The following SGCD variants were observed in gnomAD, a reference collection of about 807,000 sequenced individuals.
SGCD encodes the protein delta-sarcoglycan.
A neutral mutation model predicts 36.6 loss-of-function variants in SGCD; 18 were observed. That is an observed-to-expected ratio of 0.49 (90% confidence interval 0.34 to 0.73). SGCD has a LOEUF of 0.73. Among genes scored for constraint, SGCD ranks in the 30% least tolerant of loss-of-function variants. The pLI is 0.01. For missense variants in SGCD, 387 were observed against 346.7 expected (o/e 1.12, Z -0.92); for synonymous variants, 133 against 130.6 (o/e 1.02, Z -0.12).
At position 156,015,797 on chromosome 5, in the gene SGCD, AAC is replaced by A. The variant is rs111862726; in HGVS notation, c.-281-102061_-281-102060del. ...CCAATGCAGTCCCAATGAACACACAAACACACACACACACACACACAGTGCAC... is the reference window on the plus strand; with the variant it reads ...CCAATGCAGTCCCAATGAACACACAAACACACACACACACACACAGTGCAC... On this transcript the variant is annotated intron_variant, in intron 1 of 9. Transcript: ENST00000517913. Among the ~76,000 whole-genome samples the A allele has an allele frequency of 5.8e-3, 856 of 147,248 alleles. 1 individual carries two copies. The highest frequency in any genetic ancestry group is 8.5e-3 in the Non-Finnish European group (567 of 66,412).
intron 1 of SGCD, among the ~76,000 whole-genome samples, chr5:156,077,292 G>A (rs1327322089): frequency 2.6e-5 from 4 of 152,050 alleles, no homozygotes; most frequent in African/African-American, 4.8e-5. Context: ...CTCTTGGATT[G>A]GAAACCTCAG....
At chr5:155,998,976 G>A (rs1758610959) in intron 1 of SGCD, among the ~76,000 whole-genome samples, 1 of 152,164 alleles carries the variant, frequency 6.6e-6, no homozygotes, top group Non-Finnish European at 1.5e-5. Context: ...ATTGGCTCCA[G>A]GGAAACCCAA....
intron 3 of SGCD, among the ~76,000 whole-genome samples, chr5:156,406,036 G>GAAAAAAAAAAAAAAAAAAAAAAAAT (rs79259925): frequency 4.2e-4 from 58 of 136,580 alleles, no homozygotes; most frequent in South Asian, 7.3e-4. Context: ...AAAAAAAAAG[G>GAAAAAAAAAAAAAAAAAAAAAAAAT]CCTCTGGGCA....
Position 156,267,151 on chromosome 5 carries a change from G to T in SGCD, c.-43-62383G>T, listed in dbSNP as rs116433871. 3.7e-3 allele frequency among the ~76,000 whole-genome samples: 561 copies of T among 152,256 alleles called. 5 individuals carry two copies. Among genetic ancestry groups the T allele is most frequent in the African/African-American group, 0.013 (529 of 41,552 alleles). On this transcript the variant is annotated intron_variant, in intron 3 of 9. Transcript: ENST00000517913. ...TCAAATGTCACTTATTCATTGTGCAGAACTAGTTACATAACAAGTATTGAG... is the reference window on the plus strand; with the variant it reads ...TCAAATGTCACTTATTCATTGTGCATAACTAGTTACATAACAAGTATTGAG...
intron 3 of SGCD, among the ~76,000 whole-genome samples, chr5:156,270,845 G>A (rs531867350): frequency 3.9e-4 from 59 of 152,262 alleles, no homozygotes; most frequent in African/African-American, 1.4e-3. Flanking sequence ...AGAGTGCCTA[G>A]CACTCTATTG....
the SGCD span, among the ~76,000 whole-genome samples, chr5:155,735,219 A>G: frequency 3.9e-5 from 6 of 152,238 alleles, no homozygotes; most frequent in South Asian, 4.1e-4. Flanking sequence ...AGTTCTTCAC[A>G]TAGGCATGTA....
intron 3 of SGCD, among the ~76,000 whole-genome samples, chr5:156,382,416 T>TA (rs1425061621): frequency 2.6e-5 from 4 of 152,138 alleles, no homozygotes; most frequent in African/African-American, 9.7e-5. Context: ...GCCCAGAAAA[T>TA]GCTGAGGACT....
At chr5:156,511,353 ACTGT>A (rs1409371687) in intron 4 of SGCD, among the ~76,000 whole-genome samples, 2 of 152,176 alleles carry the variant, frequency 1.3e-5, no homozygotes, top group Middle Eastern at 3.2e-3. Flanking sequence ...AGGTCAAGCC[ACTGT>A]CTGTTCTCAC....
At chr5:156,287,052 A>T (rs1399727121) in intron 3 of SGCD, among the ~76,000 whole-genome samples, 3 of 152,190 alleles carry the variant, frequency 2.0e-5, no homozygotes, top group Non-Finnish European at 4.4e-5. Context: ...GGGAAATACG[A>T]CAACAAAGAG....
chr5:155,755,079 C>CA, the SGCD span, among the ~76,000 whole-genome samples: 2 of 152,120 alleles, frequency 1.3e-5, no homozygotes, highest in African/African-American at 4.8e-5. Context: ...AAAAGACTGC[C>CA]AGAGTGCAAG....
the SGCD span, among the ~76,000 whole-genome samples, chr5:155,864,385 T>A: frequency 4.1e-4 from 63 of 152,190 alleles, no homozygotes; most frequent in Non-Finnish European, 8.4e-4. Flanking sequence ...AGGAAGGCTG[T>A]GGCTACTGAA....
chr5:156,228,217 A>T (rs1460946348), intron 3 of SGCD, among the ~76,000 whole-genome samples: 3 of 152,110 alleles, frequency 2.0e-5, no homozygotes, highest in African/African-American at 7.2e-5. Context: ...TGTCTTGATG[A>T]CCTGTCTAGT....
At chr5:155,975,905 C>T (rs948205662) in intron 1 of SGCD, among the ~76,000 whole-genome samples, 12 of 152,090 alleles carry the variant, frequency 7.9e-5, no homozygotes, top group African/African-American at 2.9e-4. Context: ...GCTGGGATTA[C>T]AGGCGTGAGC....
chr5:156,627,443 G>C (rs1003652120), intron 6 of SGCD, among the ~76,000 whole-genome samples: 4 of 152,086 alleles, frequency 2.6e-5, no homozygotes, highest in Non-Finnish European at 5.9e-5. Context: ...GATTTTAATG[G>C]AATCTTCTTA....
At chr5:156,428,101 A>G (rs1702334542) in intron 3 of SGCD, among the ~76,000 whole-genome samples, 1 of 152,124 alleles carries the variant, frequency 6.6e-6, no homozygotes, top group South Asian at 2.1e-4. Flanking sequence ...AATACTGTCA[A>G]TAGGATTGGT....
chr5:156,423,545 C>T (rs4521456), intron 3 of SGCD, among the ~76,000 whole-genome samples: 98,938 of 147,264 alleles, frequency 0.67, 33,866 homozygotes, highest in Middle Eastern at 0.89. Context: ...TGAAGGTTCA[C>T]TTAATATCTA....
intron 4 of SGCD, among the ~76,000 whole-genome samples, chr5:156,562,116 G>T (rs1401373820): frequency 6.6e-6 from 1 of 152,142 alleles, no homozygotes; most frequent in Non-Finnish European, 1.5e-5. Flanking sequence ...GACAAAAATA[G>T]ACCAAGATTC....
intron 2 of SGCD, 83 bp from the exon 3 acceptor site, chr5:156,344,406 A>C: frequency 1.1e-6 from 1 of 915,298 alleles, no homozygotes; most frequent in Non-Finnish European, 1.6e-6. Context: ...TCTCTTCATC[A>C]GTTGATTTTT....
At chr5:156,212,135 C>T (rs1764458954) in intron 3 of SGCD, among the ~76,000 whole-genome samples, 1 of 152,132 alleles carries the variant, frequency 6.6e-6, no homozygotes, top group Non-Finnish European at 1.5e-5. Context: ...AAATAATTAA[C>T]AAATGGCAGT....
Sources: allele counts gnomAD v4.1 joint callset (sites outside exome capture counted in the v4.1 genomes callset), GRCh38; gene constraint gnomAD v4.1.1; transcripts MANE v1.5; gene names NCBI Gene and HGNC (gene_info 2026-07-23, HGNC 2026-07-21).